HECW1: variants seen among roughly 807,000 people sequenced by gnomAD.
HECW1 encodes E3 ubiquitin-protein ligase HECW1.
A neutral mutation model predicts 182.3 loss-of-function variants in HECW1; 61 were observed. The ratio of observed to expected loss-of-function variants is 0.33; its 90% CI spans 0.27 to 0.41. The LOEUF (loss-of-function observed/expected upper bound fraction) is 0.41, where lower values mean the gene tolerates loss of function less well. HECW1 is among the 10% of genes least tolerant of loss of function. The pLI, the probability that HECW1 is intolerant of heterozygous loss-of-function variation, is 1.00. For synonymous variants in HECW1, 859 were observed against 832.6 expected, an observed-to-expected ratio of 1.03 and a Z score of -0.55; for missense variants, 1,739 against 2,108.9, an observed-to-expected ratio of 0.82 and a Z score of 3.44.
intron 2 of HECW1, among the ~76,000 whole-genome samples, chr7:43,182,995 A>T (rs1224551853): frequency 6.6e-6 from 1 of 152,176 alleles, no homozygotes; most frequent in Non-Finnish European, 1.5e-5. Flanking sequence ...CACTATTAGC[A>T]CATAGAAGTA....
intron 5 of HECW1, among the ~76,000 whole-genome samples, chr7:43,321,995 G>T (rs934424391): frequency 6.6e-6 from 1 of 152,152 alleles, no homozygotes; most frequent in East Asian, 1.9e-4. Flanking sequence ...GGGTGTAGAG[G>T]GAACATGATT....
chr7:43,509,869 A>T (rs895709447), intron 24 of HECW1: 1 of 152,256 alleles, frequency 6.6e-6, no homozygotes. Context: ...TTCTGACATG[A>T]CTTATTTATG....
chr7:43,542,001 T>C lies in HECW1; in HGVS notation c.4248+3T>C. 6.6e-7 allele frequency: 1 copy of C among 1,514,848 alleles called. No homozygotes were observed. Among genetic ancestry groups the C allele is most frequent in the Non-Finnish European group, 8.8e-7 (1 of 1,134,072 alleles). The allele number at this position is 1,514,848 out of a possible 1,614,324, so 93.8% of individuals were successfully genotyped here. A position where few individuals can be genotyped will look rare whatever the true frequency, so the allele number is the denominator to read the frequency against. On this transcript the variant is annotated splice_donor_region_variant and intron_variant, in intron 26 of 29. Coordinates refer to ENST00000395891, the MANE Select transcript of HECW1 (RefSeq NM_015052.5). ...TTAATGAAGAGGTTTTTGGACAGGT[T>C]TGTGTGACATGGGGTTTGGAAAAGG...
chr7:43,259,564 T>C (rs1244452229), intron 3 of HECW1, among the ~76,000 whole-genome samples: 1 of 152,096 alleles, frequency 6.6e-6, no homozygotes, highest in Non-Finnish European at 1.5e-5. Context: ...TATTCAAGGA[T>C]GTTCAGAAAA....
chr7:43,505,434 T>A (rs1304465194), intron 21 of HECW1, among the ~76,000 whole-genome samples: 1 of 152,236 alleles, frequency 6.6e-6, no homozygotes, highest in African/African-American at 2.4e-5. Context: ...GGAAGATGAA[T>A]GTTTTTATGA....
intron 2 of HECW1, among the ~76,000 whole-genome samples, chr7:43,143,344 C>T (rs573838161): frequency 4.7e-4 from 72 of 152,248 alleles, no homozygotes; most frequent in African/African-American, 1.7e-3. Flanking sequence ...AGTGCAGGGG[C>T]TTGATCACAG....
intron 6 of HECW1, among the ~76,000 whole-genome samples, chr7:43,366,112 A>AG (rs1816619438): frequency 1.3e-5 from 2 of 152,030 alleles, no homozygotes; most frequent in African/African-American, 4.8e-5. Flanking sequence ...CAAAAAAAAA[A>AG]AAGAACAAAG....
chr7:43,472,870 C>CAA (rs1406867055), intron 16 of HECW1, among the ~76,000 whole-genome samples: 2 of 152,134 alleles, frequency 1.3e-5, no homozygotes, highest in Admixed American at 6.5e-5. Context: ...TCCACAGACA[C>CAA]AAAAACAACC....
chr7:43,346,933 C>G (rs1758776663), intron 5 of HECW1, among the ~76,000 whole-genome samples: 1 of 152,164 alleles, frequency 6.6e-6, no homozygotes, highest in African/African-American at 2.4e-5. Flanking sequence ...TATGATGCCT[C>G]CAGATTTGTT....
intron 8 of HECW1, among the ~76,000 whole-genome samples, chr7:43,431,507 C>A (rs1292540990): frequency 6.6e-6 from 1 of 152,172 alleles, no homozygotes; most frequent in African/African-American, 2.4e-5. Context: ...CTAGTCTCCC[C>A]ACCACTTTGC....
intron 17 of HECW1, among the ~76,000 whole-genome samples, chr7:43,481,133 A>G (rs867892266): frequency 6.6e-6 from 1 of 152,174 alleles, no homozygotes; most frequent in Non-Finnish European, 1.5e-5. Context: ...TGAGCATTAC[A>G]TGGGTGTCAG....
intron 4 of HECW1, among the ~76,000 whole-genome samples, chr7:43,312,626 G>T (rs1463897063): frequency 1.3e-5 from 2 of 152,220 alleles, no homozygotes; most frequent in Non-Finnish European, 2.9e-5. Flanking sequence ...AATTTTGAAA[G>T]TTCCAAAGTT....
chr7:43,309,921 C>G (rs1584427693), intron 3 of HECW1, among the ~76,000 whole-genome samples: 1 of 152,104 alleles, frequency 6.6e-6, no homozygotes, highest in South Asian at 2.1e-4. Flanking sequence ...ATTTATTGAG[C>G]AGGTACTGTA....
At chr7:43,192,791 T>A (rs1307267357) in intron 2 of HECW1, among the ~76,000 whole-genome samples, 1 of 152,194 alleles carries the variant, frequency 6.6e-6, no homozygotes, top group Non-Finnish European at 1.5e-5. Context: ...ATCCTTACTG[T>A]CACAGGGCGA....
intron 5 of HECW1, 25 bp downstream of exon 5, chr7:43,320,767 G>T (rs1204239362): frequency 3.9e-6 from 6 of 1,538,130 alleles, no homozygotes; most frequent in African/African-American, 1.4e-5. Flanking sequence ...CATTCTTGTG[G>T]CTTGGCAGAC....
chr7:43,298,601 G>A (rs541415859), intron 3 of HECW1, among the ~76,000 whole-genome samples: 4 of 152,210 alleles, frequency 2.6e-5, no homozygotes, highest in Non-Finnish European at 4.4e-5. Context: ...TGCAGTGTGT[G>A]AGGCATTAAG....
At chr7:43,223,175 C>A (rs1797133113) in intron 2 of HECW1, among the ~76,000 whole-genome samples, 1 of 152,194 alleles carries the variant, frequency 6.6e-6, no homozygotes, top group South Asian at 2.1e-4. Flanking sequence ...TTGCTTTTAT[C>A]ATCAAGATAT....
chr7:43,476,256 GA>G (rs2078216506), intron 16 of HECW1, among the ~76,000 whole-genome samples: 1 of 152,072 alleles, frequency 6.6e-6, no homozygotes, highest in African/African-American at 2.4e-5. Context: ...AACATTATAG[GA>G]AAAGATACAC....
chr7:43,497,098 C>G (rs1233853398), intron 19 of HECW1, among the ~76,000 whole-genome samples: 1 of 152,106 alleles, frequency 6.6e-6, no homozygotes, highest in African/African-American at 2.4e-5. Context: ...GGATAATATG[C>G]TGGTGCAGAG....
Sources: allele counts gnomAD v4.1 joint callset (sites outside exome capture counted in the v4.1 genomes callset), GRCh38; gene constraint gnomAD v4.1.1; transcripts MANE v1.5; gene names NCBI Gene and HGNC (gene_info 2026-07-23, HGNC 2026-07-21).